Variants in SGCD observed in about 807,000 individuals in gnomAD.
SGCD encodes sarcoglycan delta.
A neutral mutation model predicts 36.6 loss-of-function variants in SGCD; 18 were observed. That is an observed-to-expected ratio of 0.49 (90% CI 0.34 to 0.73). The LOEUF (loss-of-function observed/expected upper bound fraction) is 0.73, where lower values mean the gene tolerates loss of function less well. Ranked by LOEUF, SGCD falls within the 30% of genes least tolerant of loss-of-function variation. The pLI, the probability that SGCD is intolerant of heterozygous loss-of-function variation, is 0.01. For synonymous variants in SGCD, 133 were observed against 130.6 expected, an observed-to-expected ratio of 1.02 and a Z score of -0.12; for missense variants, 387 against 346.7, an observed-to-expected ratio of 1.12 and a Z score of -0.92.
At chr5:156,006,759 A>G (rs1454932444) in intron 1 of SGCD, among the ~76,000 whole-genome samples, 67 of 152,182 alleles carry the variant, frequency 4.4e-4, no homozygotes, top group Non-Finnish European at 1.5e-5. Context: ...TCTATTGTAT[A>G]GGGTTGTCAT....
At chr5:156,746,880 TAAA>T (rs1165993182) in intron 7 of SGCD, among the ~76,000 whole-genome samples, 1 of 151,782 alleles carries the variant, frequency 6.6e-6, no homozygotes, top group African/African-American at 2.4e-5. Flanking sequence ...AAAATTAAAA[TAAA>T]AATTTTAAGC....
chr5:156,475,341 T>C (rs1561719690), intron 3 of SGCD, among the ~76,000 whole-genome samples: 1 of 152,152 alleles, frequency 6.6e-6, no homozygotes. Context: ...TTTGCAACTG[T>C]CCCTGCTCTG....
chr5:156,104,678 ATG>A (rs1761601743), intron 1 of SGCD, among the ~76,000 whole-genome samples: 1 of 152,218 alleles, frequency 6.6e-6, no homozygotes, highest in African/African-American at 2.4e-5. Context: ...GGGAATCATA[ATG>A]TGTCAGCAGT....
chr5:156,758,444 T>TATCA (rs1757419158), intron 8 of SGCD, among the ~76,000 whole-genome samples: 1 of 152,092 alleles, frequency 6.6e-6, no homozygotes, highest in Non-Finnish European at 1.5e-5. Flanking sequence ...TGAGAGAGGT[T>TATCA]ATCAGTCTCT....
chr5:155,831,519 C>G, the SGCD span, among the ~76,000 whole-genome samples: 1 of 152,352 alleles, frequency 6.6e-6, no homozygotes, highest in African/African-American at 2.4e-5. Context: ...TCCCTTTTCA[C>G]TGAAATTACC....
chr5:156,489,492 A>G (rs1200678386), intron 3 of SGCD, among the ~76,000 whole-genome samples: 1 of 152,108 alleles, frequency 6.6e-6, no homozygotes. Context: ...ACAAGTATCA[A>G]CAATTGTTTT....
At chr5:156,283,440 A>T (rs1007341320) in intron 3 of SGCD, among the ~76,000 whole-genome samples, 1 of 152,176 alleles carries the variant, frequency 6.6e-6, no homozygotes, top group Non-Finnish European at 1.5e-5. Flanking sequence ...TTATTCTGCC[A>T]TCCATTCTTT....
chr5:156,317,767 C>T (rs189961878), intron 3 of SGCD, among the ~76,000 whole-genome samples: 97 of 152,306 alleles, frequency 6.4e-4, no homozygotes, highest in Non-Finnish European at 1.1e-3. Context: ...AGCTCAAGTA[C>T]TGCTGTGGCT....
intron 1 of SGCD, among the ~76,000 whole-genome samples, chr5:156,070,020 G>T (rs1561704751): frequency 6.6e-6 from 1 of 152,032 alleles, no homozygotes; most frequent in Non-Finnish European, 1.5e-5. Context: ...TCAGCTTAAG[G>T]AGATTTTGGG....
intron 3 of SGCD, among the ~76,000 whole-genome samples, chr5:156,314,987 G>C (rs1767477362): frequency 6.6e-6 from 1 of 151,886 alleles, no homozygotes; most frequent in South Asian, 2.1e-4. Context: ...TGTATATGTT[G>C]AGAAATAATC....
At chr5:156,164,903 A>G (rs1763176169) in intron 3 of SGCD, among the ~76,000 whole-genome samples, 1 of 152,202 alleles carries the variant, frequency 6.6e-6, no homozygotes, top group Non-Finnish European at 1.5e-5. Flanking sequence ...ATTGGGAAAG[A>G]TTGCAGTGAC....
At chr5:156,083,061 A>G (rs1761001187) in intron 1 of SGCD, among the ~76,000 whole-genome samples, 1 of 151,908 alleles carries the variant, frequency 6.6e-6, no homozygotes, top group Admixed American at 6.6e-5. Context: ...CTATCTGTAT[A>G]TCTTCTCTGG....
chr5:156,632,927 G>A (rs1013690044), intron 6 of SGCD, among the ~76,000 whole-genome samples: 1 of 152,120 alleles, frequency 6.6e-6, no homozygotes, highest in African/African-American at 2.4e-5. Context: ...CTAGGTCATG[G>A]GAAAACAGAG....
In SGCD at chr5:156,446,058, C is replaced by G. The variant is rs577976320; in HGVS notation, c.193-62543C>G. Among the ~76,000 whole-genome samples the G allele has an allele frequency of 1.3e-4, 20 of 152,090 alleles. 1 individual carries two copies. In the South Asian group the frequency reaches 3.1e-3, roughly 24 times the overall value. On this transcript the variant is annotated intron_variant, in intron 3 of 8. Coordinates refer to ENST00000337851, the MANE Select transcript of SGCD (RefSeq NM_000337.6). ...GGGTCTTGTCATTCTAATCCAGTAGCCTCAGTGCCTGGCATGTGGTTGGTG... is the reference window on the plus strand; with the variant it reads ...GGGTCTTGTCATTCTAATCCAGTAGGCTCAGTGCCTGGCATGTGGTTGGTG...
chr5:156,021,276 T>C (rs1392816543), intron 1 of SGCD, among the ~76,000 whole-genome samples: 1 of 152,190 alleles, frequency 6.6e-6, no homozygotes. Flanking sequence ...TTTTCAAATA[T>C]GTATTGAGCA....
chr5:156,217,930 T>G (rs1355471052), intron 3 of SGCD, among the ~76,000 whole-genome samples: 3 of 152,104 alleles, frequency 2.0e-5, no homozygotes, highest in South Asian at 2.1e-4. Flanking sequence ...ATTTGCTTAA[T>G]GAAGGGAAGA....
intron 1 of SGCD, among the ~76,000 whole-genome samples, chr5:155,997,527 T>C (rs1758577226): frequency 6.6e-6 from 1 of 152,232 alleles, no homozygotes; most frequent in Non-Finnish European, 1.5e-5. Flanking sequence ...TCGCTCAACA[T>C]GGCATACACT....
Position 156,052,743 on chromosome 5 carries a change from G to A in SGCD, c.-281-65135G>A, listed in dbSNP as rs1207948736. On this transcript the variant is annotated intron_variant, in intron 1 of 9. Coordinates refer to the SGCD transcript ENST00000517913. ...AAAAAGTGCCATTAAAGGTACTAAA[G>A]TGTAAAACTGTTTGCTTTCTTCCAT... is the stretch of plus-strand genomic sequence containing the variant. Among the ~76,000 whole-genome samples the A allele has an allele frequency of 4.8e-5, 7 of 145,966 alleles. 1 individual carries two copies. The highest frequency in any genetic ancestry group is 1.1e-4 in the Non-Finnish European group (7 of 64,802).
chr5:156,080,246 G>C lies in SGCD; in HGVS notation c.-281-37632G>C, dbSNP rs532612390. ...GTGGTGGAGTGCAGTGGCACCCCAG[G>C]CCTGGCCCATGAAATCATCTAGTCC... On this transcript the variant is annotated intron_variant, in intron 1 of 9. Coordinates refer to the SGCD transcript ENST00000517913. 1.2e-3 allele frequency among the ~76,000 whole-genome samples: 189 copies of C among 152,284 alleles called. 2 individuals carry two copies. The highest frequency in any genetic ancestry group is 4.4e-3 in the African/African-American group (183 of 41,562).
Sources: allele counts gnomAD v4.1 joint callset (sites outside exome capture counted in the v4.1 genomes callset), GRCh38; gene constraint gnomAD v4.1.1; transcripts MANE v1.5; gene names NCBI Gene and HGNC (gene_info 2026-07-23, HGNC 2026-07-21).